PSMG2: variants seen among roughly 807,000 people sequenced by gnomAD.
PSMG2 encodes proteasome assembly chaperone 2.
A neutral mutation model predicts 31.5 loss-of-function variants in PSMG2; 21 were observed. The observed-to-expected ratio is 0.67, with a 90% CI of 0.47 to 0.96. The LOEUF is 0.96. PSMG2 is among the 40% of genes least tolerant of loss of function. PSMG2 has a pLI of 0.00. For synonymous variants in PSMG2, 120 were observed against 110.4 expected (o/e 1.09, Z -0.54); for missense variants, 318 against 321.2 (o/e 0.99, Z 0.08).
At chr18:12,698,480 T>C (rs1018404196), upstream of PSMG2, among the ~76,000 whole-genome samples, 2 of 152,140 alleles carry the variant, frequency 1.3e-5, no homozygotes, top group Non-Finnish European at 2.9e-5. Context: ...ATTTTTTATT[T>C]TTTGTAGAGA....
At chr18:12,703,041 C>A (rs1411335917), upstream of PSMG2, 2 of 1,561,002 alleles carry the variant, frequency 1.3e-6, no homozygotes, top group African/African-American at 2.7e-5. Context: ...CTCGGGCTTC[C>A]GCCTTCTTGC....
rs869130220 is a variant in PSMG2, at chr18:12,671,642, C to CTTTTTTT, written c.-37+12887_-37+12893dup. ...GTTGAGGAATCAGGTTTCACACTTT[C>CTTTTTTT]TTTTTTTTTTTTTTTTTTTTTTTTG... On this transcript the variant is annotated intron_variant, in intron 1 of 6. Transcript: ENST00000585331. 6.8e-4 allele frequency among the ~76,000 whole-genome samples: 38 copies of CTTTTTTT among 55,542 alleles called. 1 individual carries two copies. The highest frequency in any genetic ancestry group is 7.6e-4 in the Non-Finnish European group (21 of 27,716). 36.4% of individuals were successfully genotyped at this position (55,542 alleles called of 152,430 possible). A position where few individuals can be genotyped will look rare whatever the true frequency, so the allele number is the denominator to read the frequency against.
intron 1 of PSMG2, among the ~76,000 whole-genome samples, chr18:12,676,168 T>C (rs2144990375): frequency 1.3e-5 from 2 of 152,274 alleles, no homozygotes; most frequent in South Asian, 4.1e-4. Flanking sequence ...AACAATGCTT[T>C]TCCTGCGGCA....
intron 1 of PSMG2, among the ~76,000 whole-genome samples, chr18:12,661,002 T>C (rs1344376252): frequency 6.6e-6 from 1 of 152,236 alleles, no homozygotes; most frequent in Non-Finnish European, 1.5e-5. Flanking sequence ...TGATTTTCAG[T>C]ACTCCTTAAA....
intron 5 of PSMG2, 162 bp from the exon 6 acceptor site, chr18:12,724,337 A>G: frequency 1.5e-6 from 1 of 668,938 alleles, no homozygotes; most frequent in African/African-American, 1.9e-5. Context: ...TCACAAGTAG[A>G]AAACTCTGTG....
intron 1 of PSMG2, chr18:12,691,161 T>C (rs1166937753): frequency 2.5e-6 from 1 of 407,620 alleles, no homozygotes; most frequent in Non-Finnish European, 4.3e-6. Flanking sequence ...TAACTGAAAT[T>C]GAAAGTAAAA....
chr18:12,702,430 G>T, upstream of PSMG2: 1 of 1,375,062 alleles, frequency 7.3e-7, no homozygotes. Flanking sequence ...CCGCCGGGCA[G>T]GAGGGAAAGG....
chr18:12,685,152 C>G (rs1402096422), intron 1 of PSMG2: 1 of 152,044 alleles, frequency 6.6e-6, no homozygotes, highest in Non-Finnish European at 1.5e-5. Context: ...AGGCACGTGC[C>G]ACCACACCAC....
chr18:12,706,761 A>G (rs1434024239), intron 2 of PSMG2, 40 bp downstream of exon 2: 1 of 1,539,026 alleles, frequency 6.5e-7, no homozygotes, highest in Admixed American at 2.1e-5. Flanking sequence ...ACTACAAAGT[A>G]GAGTTGTTTT....
upstream of PSMG2, chr18:12,699,214 T>C (rs367969491): frequency 4.6e-4 from 713 of 1,551,648 alleles, 1 homozygote; most frequent in Non-Finnish European, 5.8e-4. Context: ...CTGTAAAGTG[T>C]AGCAATATAT....
At position 12,720,553 on chromosome 18, in the gene PSMG2, G is replaced by A; in HGVS notation, c.451G>A (p.Val151Ile). Residue 151 changes from valine to isoleucine, a missense_variant, in exon 5 of 7, where the codon GTT (valine) becomes ATT (isoleucine). By Grantham distance (29) the Val-to-Ile change is conservative. Coordinates refer to ENST00000317615, the MANE Select transcript of PSMG2 (RefSeq NM_020232.5). The stretch of plus-strand genomic sequence containing the variant: ...ACTTACACCTTCCATGCAAAAAAGT[G>A]TTCAAAATAAAATAAAGAGCCTTAA... The part of the protein sequence containing the change: ...YLLTPSMQKS[V>I]QNKIKSLNWE... 1 of 1,612,346 alleles carries A rather than the reference G, an allele frequency of 6.2e-7. No individual in the cohort carries two copies. Among genetic ancestry groups the A allele is most frequent in the East Asian group, 2.2e-5 (1 of 44,878 alleles).
upstream of PSMG2, chr18:12,701,075 C>CT: frequency 6.2e-7 from 1 of 1,613,512 alleles, no homozygotes; most frequent in Non-Finnish European, 8.5e-7. Flanking sequence ...CCCGTATAGT[C>CT]TCAGCAAGGA....
chr18:12,686,096 G>T (rs906905712), intron 1 of PSMG2: 5 of 491,460 alleles, frequency 1.0e-5, no homozygotes, highest in African/African-American at 2.0e-5. Context: ...TTTTACTTTT[G>T]TAAGTATTTT....
chr18:12,715,416 G>A (rs1425237997), intron 3 of PSMG2, among the ~76,000 whole-genome samples: 2 of 152,158 alleles, frequency 1.3e-5, no homozygotes, highest in Non-Finnish European at 2.9e-5. Flanking sequence ...ATTTGCTAAG[G>A]GATTTTTTGG....
intron 3 of PSMG2, among the ~76,000 whole-genome samples, chr18:12,717,200 C>T (rs1448538290): frequency 6.6e-6 from 1 of 151,890 alleles, no homozygotes; most frequent in Non-Finnish European, 1.5e-5. Context: ...CTGCCCACCA[C>T]GGCCTCCCAA....
At chr18:12,711,750 C>CTTTTTT (rs34631690) in intron 2 of PSMG2, among the ~76,000 whole-genome samples, 31 of 97,552 alleles carry the variant, frequency 3.2e-4, no homozygotes, top group Admixed American at 3.9e-4. Flanking sequence ...GCTTCTCATT[C>CTTTTTT]TTTTTTTTTT....
chr18:12,671,405 G>C (rs936730643), intron 1 of PSMG2, among the ~76,000 whole-genome samples: 1 of 151,762 alleles, frequency 6.6e-6, no homozygotes, highest in Non-Finnish European at 1.5e-5. Flanking sequence ...ACTAAATTAA[G>C]AACTACACAT....
At chr18:12,673,504 C>A in intron 1 of PSMG2, 1 of 1,568,010 alleles carries the variant, frequency 6.4e-7, no homozygotes, top group Non-Finnish European at 8.6e-7. Context: ...GAAAGGAGAT[C>A]TATTTAAGAA....
At chr18:12,719,962 C>T (rs1191921622) in intron 4 of PSMG2, among the ~76,000 whole-genome samples, 1 of 152,138 alleles carries the variant, frequency 6.6e-6, no homozygotes, top group Non-Finnish European at 1.5e-5. Context: ...GGTGATTTGC[C>T]TGCCTGGGCC....
Sources: gnomAD v4.1 joint callset for allele counts (sites outside exome capture counted in the v4.1 genomes callset) on GRCh38, gnomAD v4.1.1 for gene constraint, MANE v1.5 for transcripts, NCBI Gene and HGNC (gene_info 2026-07-23, HGNC 2026-07-21) for gene names.